The following TRIM5 variants were observed in gnomAD, a reference collection of about 807,000 sequenced individuals.
TRIM5 encodes the protein tripartite motif containing 5, also known as tripartite motif-containing protein 5.
Under a neutral mutation model 35.6 loss-of-function variants are expected in TRIM5, and 31 were observed. The observed-to-expected ratio is 0.87, with a 90% CI of 0.65 to 1.18. TRIM5 has a LOEUF of 1.18. TRIM5 is among the 50% of genes most tolerant of loss of function. The pLI is 0.00. For synonymous variants in TRIM5, 243 were observed against 215.6 expected, an observed-to-expected ratio of 1.13 and a Z score of -1.11; for missense variants, 609 against 591.6, an observed-to-expected ratio of 1.03 and a Z score of -0.31.
At chr11:5,626,984 G>A in the TRIM5 span, 8 of 152,604 alleles carry the variant, frequency 5.2e-5, no homozygotes, top group African/African-American at 1.9e-4. Flanking sequence ...CCTCGCTCTG[G>A]GTGGCATGGG....
chr11:5,632,971 C>T, the TRIM5 span, among the ~76,000 whole-genome samples: 67 of 146,866 alleles, frequency 4.6e-4, no homozygotes, highest in Non-Finnish European at 4.8e-4. Flanking sequence ...GGATTACAGG[C>T]GCCTGCCACC....
chr11:5,681,315 C>T (rs1852430472), intron 1 of TRIM5, among the ~76,000 whole-genome samples: 1 of 152,132 alleles, frequency 6.6e-6, no homozygotes, highest in South Asian at 2.1e-4. Flanking sequence ...TTTATTTCTG[C>T]GTACAGGGAG....
At chr11:5,643,709 A>T in the TRIM5 span, 1 of 1,572,004 alleles carries the variant, frequency 6.4e-7, no homozygotes, top group South Asian at 1.2e-5. Flanking sequence ...CAAGCTCTTG[A>T]ATTTTCTCAT....
At chr11:5,661,070 A>C (rs1850803428), downstream of TRIM5, among the ~76,000 whole-genome samples, 2 of 144,760 alleles carry the variant, frequency 1.4e-5, no homozygotes, top group Admixed American at 1.4e-4. Context: ...AAAAAAAAAA[A>C]AAAAAAAAAA....
chr11:5,671,132 G>C (rs1289661985), intron 4 of TRIM5, among the ~76,000 whole-genome samples: 1 of 152,064 alleles, frequency 6.6e-6, no homozygotes, highest in African/African-American at 2.4e-5. Context: ...GGTCTGAGGT[G>C]AGGGGATTGC....
chr11:5,618,843 CAA>C, the TRIM5 span, among the ~76,000 whole-genome samples: 1 of 152,088 alleles, frequency 6.6e-6, no homozygotes, highest in African/African-American at 2.4e-5. Flanking sequence ...AAGGAGGACA[CAA>C]ATCTCATTAA....
the TRIM5 span, among the ~76,000 whole-genome samples, chr11:5,609,069 C>T: frequency 1.3e-5 from 2 of 151,968 alleles, no homozygotes; most frequent in Admixed American, 1.3e-4. Context: ...TCTTTTGTCT[C>T]AATTCCAGTA....
the TRIM5 span, chr11:5,597,024 T>C: frequency 6.4e-7 from 1 of 1,559,962 alleles, no homozygotes; most frequent in African/African-American, 1.4e-5. Flanking sequence ...TATCTTTATT[T>C]CTTTTTCTTT....
At chr11:5,607,141 G>A in the TRIM5 span, among the ~76,000 whole-genome samples, 2 of 151,856 alleles carry the variant, frequency 1.3e-5, no homozygotes, top group African/African-American at 4.8e-5. Context: ...GAGGCGGAGC[G>A]TGCAGTGAGC....
At chr11:5,654,018 G>A in the TRIM5 span, among the ~76,000 whole-genome samples, 1 of 151,688 alleles carries the variant, frequency 6.6e-6, no homozygotes, top group Non-Finnish European at 1.5e-5. Flanking sequence ...TCTTTTTATG[G>A]TGTCTGTCTC....
chr11:5,655,238 C>G, the TRIM5 span, among the ~76,000 whole-genome samples: 1 of 149,242 alleles, frequency 6.7e-6, no homozygotes, highest in African/African-American at 2.5e-5. Context: ...CTTTAGGAAA[C>G]TTACCATTGG....
chr11:5,636,858 A>G, the TRIM5 span, among the ~76,000 whole-genome samples: 1 of 152,186 alleles, frequency 6.6e-6, no homozygotes, highest in Non-Finnish European at 1.5e-5. Flanking sequence ...TTAAGATATA[A>G]TCTGTTGGCG....
chr11:5,605,995 C>T, the TRIM5 span, among the ~76,000 whole-genome samples: 1 of 152,162 alleles, frequency 6.6e-6, no homozygotes, highest in Non-Finnish European at 1.5e-5. Flanking sequence ...ATGTGACAAC[C>T]CCAAATTTCT....
At chr11:5,618,876 C>T in the TRIM5 span, among the ~76,000 whole-genome samples, 1 of 152,150 alleles carries the variant, frequency 6.6e-6, no homozygotes, top group African/African-American at 2.4e-5. Context: ...GGGAGAGAAA[C>T]AGTGACAAAG....
the TRIM5 span, among the ~76,000 whole-genome samples, chr11:5,624,609 C>T: frequency 6.6e-6 from 1 of 152,194 alleles, no homozygotes; most frequent in Admixed American, 6.5e-5. Flanking sequence ...GCTTTTCAAA[C>T]ACAGCACTAT....
At chr11:5,677,609 C>T (rs1361473694) in intron 4 of TRIM5, among the ~76,000 whole-genome samples, 1 of 152,172 alleles carries the variant, frequency 6.6e-6, no homozygotes, top group Non-Finnish European at 1.5e-5. Context: ...CCGTGTTAGC[C>T]AGGATGGTCT....
At chr11:5,629,285 A>G in the TRIM5 span, among the ~76,000 whole-genome samples, 2 of 152,168 alleles carry the variant, frequency 1.3e-5, no homozygotes, top group South Asian at 4.1e-4. Context: ...TCAAAAAAAA[A>G]CAAAAACTAC....
chr11:5,632,316 C>G, the TRIM5 span: 3 of 1,613,944 alleles, frequency 1.9e-6, no homozygotes, highest in Non-Finnish European at 2.5e-6. Context: ...CCAGAAGAAG[C>G]CAGGGAAGCA....
At chr11:5,596,647 G>C in the TRIM5 span, 1 of 473,960 alleles carries the variant, frequency 2.1e-6, no homozygotes. Context: ...AGAAGGAGTT[G>C]GGAGATGAGC....
Sources: gnomAD v4.1 joint callset for allele counts (sites outside exome capture counted in the v4.1 genomes callset) on GRCh38, gnomAD v4.1.1 for gene constraint, MANE v1.5 for transcripts, NCBI Gene and HGNC (gene_info 2026-07-23, HGNC 2026-07-21) for gene names.